IFNAR1: variants seen among roughly 807,000 people sequenced by gnomAD.
IFNAR1 encodes interferon alpha and beta receptor subunit 1, also known as interferon alpha/beta receptor 1.
Under a neutral mutation model 62.1 loss-of-function variants are expected in IFNAR1, and 47 were observed. The ratio of observed to expected loss-of-function variants is 0.76; its 90% confidence interval spans 0.60 to 0.97. The LOEUF (loss-of-function observed/expected upper bound fraction) is 0.97, where lower values mean the gene tolerates loss of function less well. IFNAR1 is among the 50% of genes least tolerant of loss of function. The pLI, the probability that IFNAR1 is intolerant of heterozygous loss-of-function variation, is 0.00. For missense variants in IFNAR1, 638 were observed against 654.5 expected (o/e 0.97, Z 0.27); for synonymous variants, 219 against 226.9 (o/e 0.97, Z 0.31).
rs17875835 is a variant in IFNAR1 at position 33,350,087 on chromosome 21, G to A, written c.1143+544G>A. On this transcript the variant is annotated intron_variant, in intron 8 of 10. Coordinates refer to ENST00000270139, the MANE Select transcript of IFNAR1 (RefSeq NM_000629.3). Reference sequence around the variant, plus strand: ...TTACTGAATCATTATCTCTGGGGATGGAACTCAGGAATTTGCATTTTTAAC... The same window carrying A: ...TTACTGAATCATTATCTCTGGGGATAGAACTCAGGAATTTGCATTTTTAAC... 5.0e-3 allele frequency among the ~76,000 whole-genome samples: 760 copies of A among 151,732 alleles called. 6 individuals carry two copies. Among genetic ancestry groups the A allele is most frequent in the African/African-American group, 0.018 (732 of 41,318 alleles).
intron 8 of IFNAR1, among the ~76,000 whole-genome samples, chr21:33,349,933 AAT>A (rs1200851868): frequency 6.6e-6 from 1 of 151,736 alleles, no homozygotes; most frequent in Non-Finnish European, 1.5e-5. Flanking sequence ...AAAAAAAAAA[AAT>A]GTGATTAACT....
At chr21:33,329,315 T>C (rs2123654817) in intron 1 of IFNAR1, among the ~76,000 whole-genome samples, 1 of 152,328 alleles carries the variant, frequency 6.6e-6, no homozygotes, top group East Asian at 1.9e-4. Context: ...GCATAGAATC[T>C]ATAAATTCTA....
upstream of IFNAR1, chr21:33,324,892 G>GTGTGTGT (rs2083108317): frequency 2.3e-5 from 13 of 571,546 alleles, 1 homozygote; most frequent in Non-Finnish European, 3.8e-5. Context: ...GCGGAGGGGC[G>GTGTGTGT]GTGTGTGTGT....
chr21:33,347,771 G>T (rs1009183462), intron 6 of IFNAR1, among the ~76,000 whole-genome samples: 9 of 152,276 alleles, frequency 5.9e-5, no homozygotes, highest in Admixed American at 5.2e-4. Flanking sequence ...TACAGGATGT[G>T]TACACCAGGG....
At chr21:33,347,891 A>G (rs1368637627) in intron 6 of IFNAR1, among the ~76,000 whole-genome samples, 1 of 152,212 alleles carries the variant, frequency 6.6e-6, no homozygotes, top group African/African-American at 2.4e-5. Context: ...AGAAAGCTGA[A>G]TAAGTAGAAT....
intron 6 of IFNAR1, among the ~76,000 whole-genome samples, chr21:33,346,641 GAGTC>G (rs1225970139): frequency 6.6e-6 from 1 of 152,216 alleles, no homozygotes; most frequent in African/African-American, 2.4e-5. Context: ...GAAATGGAAA[GAGTC>G]AGCAGAATCA....
At chr21:33,325,268 TA>T in intron 1 of IFNAR1, 137 bp downstream of exon 1, 1 of 749,294 alleles carries the variant, frequency 1.3e-6, no homozygotes, top group South Asian at 1.6e-5. Flanking sequence ...CGCCAAAGAT[TA>T]AACCCGACCT....
intron 5 of IFNAR1, among the ~76,000 whole-genome samples, chr21:33,344,643 C>G (rs1346006232): frequency 6.6e-6 from 1 of 151,976 alleles, no homozygotes; most frequent in African/African-American, 2.4e-5. Context: ...TAAAATCTTA[C>G]TAGAAGTATT....
intron 3 of IFNAR1, among the ~76,000 whole-genome samples, chr21:33,341,593 A>G (rs559707869): frequency 2.4e-4 from 36 of 152,128 alleles, no homozygotes; most frequent in African/African-American, 4.8e-4. Flanking sequence ...AAAGATTTGG[A>G]AAAAAAATGT....
At chr21:33,325,676 A>G (rs2856968) in intron 1 of IFNAR1, among the ~76,000 whole-genome samples, 57,901 of 152,050 alleles carry the variant, frequency 0.38, 11,204 homozygotes, top group Middle Eastern at 0.46. Context: ...GTGAGCCACA[A>G]ACACGTCTGT....
At chr21:33,337,755 CACTA>C (rs1382249589) in intron 2 of IFNAR1, among the ~76,000 whole-genome samples, 2 of 151,874 alleles carry the variant, frequency 1.3e-5, no homozygotes, top group African/African-American at 4.8e-5. Context: ...TACATATACA[CACTA>C]TATATACATA....
chr21:33,348,175 G>A (rs754524070), intron 6 of IFNAR1, among the ~76,000 whole-genome samples: 4 of 152,170 alleles, frequency 2.6e-5, no homozygotes, highest in African/African-American at 2.4e-5. Context: ...TTATAACCCC[G>A]CAGTGTGTCT....
At chr21:33,332,203 C>T (rs1277476502) in intron 1 of IFNAR1, among the ~76,000 whole-genome samples, 1 of 152,202 alleles carries the variant, frequency 6.6e-6, no homozygotes, top group African/African-American at 2.4e-5. Flanking sequence ...AAGCCTTCAA[C>T]ACTGAGAACA....
At position 33,353,747 on chromosome 21, in the gene IFNAR1, C is replaced by G; in HGVS notation, c.1404C>G (p.Phe468Leu). Residue 468 changes from phenylalanine (F) to leucine (L), a missense_variant, in exon 10 of 11, where the codon TTC (phenylalanine) becomes TTG (leucine). Transcript: ENST00000270139. ...TCTTGAGATGCATCAATTATGTCTT[C>G]TTTCCATCACTTAAACCTTCTTCCA... ...KVFLRCINYV[F>L]FPSLKPSSSI... 1.3e-6 allele frequency: 2 copies of G among 1,588,552 alleles called. No individual in the cohort carries two copies. The highest frequency in any genetic ancestry group is 1.4e-5 in the African/African-American group (1 of 73,580).
Position 33,358,898 on chromosome 21 carries a change from A to G in IFNAR1, c.*3349A>G, listed in dbSNP as rs2083474920. The G allele has an allele frequency of 6.6e-6, 1 of 152,012 alleles. No individual in the cohort carries two copies. Among genetic ancestry groups the G allele is most frequent in the Non-Finnish European group, 1.5e-5 (1 of 68,024 alleles). 9.4% of individuals were successfully genotyped at this position (152,012 alleles called of 1,614,324 possible). On this transcript the variant is annotated 3_prime_UTR_variant, in exon 11 of 11. Coordinates refer to ENST00000270139, the MANE Select transcript of IFNAR1 (RefSeq NM_000629.3). ...ATCTTCCCCTAAAAGAGGCCGTGAT[A>G]TTTGCAGCAGCCTCAAATTGCTCTT... is the stretch of plus-strand genomic sequence containing the variant.
intron 1 of IFNAR1, among the ~76,000 whole-genome samples, chr21:33,325,414 T>C (rs191348317): frequency 0.015 from 2,337 of 152,298 alleles, 31 homozygotes; most frequent in Non-Finnish European, 0.022. Flanking sequence ...TGTGTCGAGT[T>C]TGATTCTTTC....
rs2083463910 is a variant in IFNAR1 at position 33,357,878 on chromosome 21, G to A, written c.*2329G>A. On this transcript the variant is annotated 3_prime_UTR_variant, in exon 11 of 11. Coordinates refer to ENST00000270139, the MANE Select transcript of IFNAR1 (RefSeq NM_000629.3). ...CACTTTGGACGTTTGCGTCTTTGAA[G>A]AGGCGATGGGAGCATATCATGACTG... is the stretch of plus-strand genomic sequence containing the variant. The A allele has an allele frequency of 6.6e-6, 1 of 152,180 alleles. No individual in the cohort carries two copies. The highest frequency in any genetic ancestry group is 1.5e-5 in the Non-Finnish European group (1 of 68,082). The allele number at this position is 152,180 out of a possible 1,614,324, so 9.4% of individuals were successfully genotyped here. A position where few individuals can be genotyped will look rare whatever the true frequency, so the allele number is the denominator to read the frequency against.
rs2083463591 is a variant in IFNAR1 at position 33,357,861 on chromosome 21, A to AGAGGC, written c.*2312_*2313insGAGGC. On this transcript the variant is annotated 3_prime_UTR_variant, in exon 11 of 11. Transcript: ENST00000270139. ...CTTTGGAAAAGCCTTGTCACTTTGGACGTTTGCGTCTTTGAAGAGGCGATG... is the reference window on the plus strand; with the variant it reads ...CTTTGGAAAAGCCTTGTCACTTTGGAGAGGCCGTTTGCGTCTTTGAAGAGGCGATG... 6.6e-6 allele frequency: 1 copy of AGAGGC among 152,044 alleles called. No individual in the cohort carries two copies. The highest frequency in any genetic ancestry group is 1.5e-5 in the Non-Finnish European group (1 of 68,036). 9.4% of individuals were successfully genotyped at this position (152,044 alleles called of 1,614,324 possible). A position where few individuals can be genotyped will look rare whatever the true frequency, so the allele number is the denominator to read the frequency against.
intron 6 of IFNAR1, 81 bp from the exon 7 acceptor site, chr21:33,349,010 C>A (rs1250886413): frequency 1.5e-5 from 12 of 812,862 alleles, no homozygotes; most frequent in South Asian, 1.8e-5. Context: ...ATTTCTGTAA[C>A]CTTAGCCCCT....
Sources: allele counts gnomAD v4.1 joint callset (sites outside exome capture counted in the v4.1 genomes callset), GRCh38; gene constraint gnomAD v4.1.1; transcripts MANE v1.5; gene names NCBI Gene and HGNC (gene_info 2026-07-23, HGNC 2026-07-21).